The following GRID2 variants were observed in gnomAD, a reference collection of about 807,000 sequenced individuals.
The protein encoded by GRID2 is glutamate ionotropic receptor delta type subunit 2.
Under a neutral mutation model 114.8 loss-of-function variants are expected in GRID2, and 33 were observed. The observed-to-expected ratio is 0.29, with a 90% CI of 0.22 to 0.38. The LOEUF is 0.38. Among genes scored for constraint, GRID2 ranks in the 10% least tolerant of loss-of-function variants. The probability of loss-of-function intolerance (pLI) is 1.00; values close to 1 mark genes in which losing one functional copy is unlikely to be tolerated. For missense variants in GRID2, 1,184 were observed against 1,257.7 expected (o/e 0.94, Z 0.89); for synonymous variants, 505 against 449.9 (o/e 1.12, Z -1.55).
chr4:92,765,042 CA>C (rs1281098230), intron 2 of GRID2, among the ~76,000 whole-genome samples: 1 of 152,074 alleles, frequency 6.6e-6, no homozygotes, highest in Non-Finnish European at 1.5e-5. Context: ...TGGAAAGCTA[CA>C]ATTTAAATAT....
At chr4:92,708,868 G>C (rs1735076245) in intron 2 of GRID2, among the ~76,000 whole-genome samples, 1 of 152,108 alleles carries the variant, frequency 6.6e-6, no homozygotes, top group East Asian at 1.9e-4. Flanking sequence ...AGTGAGCTGA[G>C]ATCACACCAT....
chr4:93,375,136 C>A (rs1285448393), intron 8 of GRID2, among the ~76,000 whole-genome samples: 7 of 151,996 alleles, frequency 4.6e-5, no homozygotes, highest in Non-Finnish European at 8.8e-5. Flanking sequence ...GTTGCCTCTA[C>A]CCAGACTGCA....
intron 8 of GRID2, among the ~76,000 whole-genome samples, chr4:93,350,961 C>A (rs1275233400): frequency 1.3e-5 from 2 of 151,978 alleles, no homozygotes; most frequent in African/African-American, 2.4e-5. Context: ...AAAGGAGAAG[C>A]AAAGGCACAT....
At chr4:93,545,850 G>A (rs933128787) in intron 13 of GRID2, among the ~76,000 whole-genome samples, 1 of 152,110 alleles carries the variant, frequency 6.6e-6, no homozygotes, top group South Asian at 2.1e-4. Flanking sequence ...ACATAAAGAA[G>A]CAATTCACTA....
In GRID2 at chr4:92,613,387, C is replaced by A. The variant is rs951125123; in HGVS notation, c.244+23101C>A. Among the ~76,000 whole-genome samples, 4 of 151,388 alleles carry A rather than the reference C, an allele frequency of 2.6e-5. No homozygotes were observed. The Admixed American group carries it at 2.6e-4, about 10-fold the overall frequency. On this transcript the variant is annotated intron_variant, in intron 2 of 15. Coordinates refer to ENST00000282020, the MANE Select transcript of GRID2 (RefSeq NM_001510.4). ...ATATATTGATCTGTGATATTCTCTT[C>A]TTGTGATGTTTTAGTATTTCTTTGG...
At chr4:92,838,038 C>T (rs1742589623) in intron 2 of GRID2, among the ~76,000 whole-genome samples, 1 of 152,030 alleles carries the variant, frequency 6.6e-6, no homozygotes, top group Non-Finnish European at 1.5e-5. Flanking sequence ...CTAAACTCAT[C>T]TAGAAACAAT....
intron 2 of GRID2, among the ~76,000 whole-genome samples, chr4:92,915,272 C>T (rs982382810): frequency 1.3e-5 from 2 of 152,088 alleles, no homozygotes; most frequent in Admixed American, 6.6e-5. Flanking sequence ...TATTCTAATG[C>T]CTAACAGCAT....
At chr4:92,441,316 G>C (rs1291368653) in intron 1 of GRID2, among the ~76,000 whole-genome samples, 1 of 152,106 alleles carries the variant, frequency 6.6e-6, no homozygotes, top group Non-Finnish European at 1.5e-5. Context: ...GAAGTAATGG[G>C]GGCTGTCTGT....
intron 1 of GRID2, among the ~76,000 whole-genome samples, chr4:92,499,629 T>A (rs1191412686): frequency 6.6e-6 from 1 of 152,212 alleles, no homozygotes; most frequent in African/African-American, 2.4e-5. Flanking sequence ...ATTTATTATT[T>A]TGAGACAGAG....
At chr4:93,691,632 C>T (rs572872714) in intron 14 of GRID2, among the ~76,000 whole-genome samples, 2 of 152,110 alleles carry the variant, frequency 1.3e-5, no homozygotes, top group Admixed American at 1.3e-4. Flanking sequence ...AACACTGTAA[C>T]TTAATTGATG....
chr4:92,655,650 T>C (rs1267063483), intron 2 of GRID2, among the ~76,000 whole-genome samples: 1 of 151,796 alleles, frequency 6.6e-6, no homozygotes, highest in Non-Finnish European at 1.5e-5. Flanking sequence ...TAAATGGGAT[T>C]GACTTCTTGA....
chr4:92,839,760 A>G (rs1390245712), intron 2 of GRID2, among the ~76,000 whole-genome samples: 3 of 152,022 alleles, frequency 2.0e-5, no homozygotes, highest in Admixed American at 2.0e-4. Flanking sequence ...TTTGAGAATG[A>G]TCTGTGTGCT....
intron 8 of GRID2, among the ~76,000 whole-genome samples, chr4:93,380,841 C>T (rs192259963): frequency 5.0e-4 from 76 of 152,072 alleles, no homozygotes; most frequent in African/African-American, 1.7e-3. Context: ...AAGGTTCCTG[C>T]GGATCTGATA....
intron 8 of GRID2, among the ~76,000 whole-genome samples, chr4:93,293,489 C>G (rs1465769903): frequency 6.6e-6 from 1 of 151,980 alleles, no homozygotes; most frequent in Non-Finnish European, 1.5e-5. Context: ...CAAAGTGTTA[C>G]AGTGTTGTTC....
chr4:93,412,288 T>G (rs1767271789), intron 9 of GRID2, among the ~76,000 whole-genome samples: 1 of 141,116 alleles, frequency 7.1e-6, no homozygotes, highest in East Asian at 2.3e-4. Context: ...TCCCAGCTAC[T>G]CAAGAGTTTG....
At position 93,354,671 on chromosome 4, in the gene GRID2, CGTGTGTGTGTGTGT is replaced by C. The variant is rs35452796; in HGVS notation, c.1246-40905_1246-40892del. On this transcript the variant is annotated intron_variant, in intron 8 of 15. Transcript: ENST00000282020. ...ATTTACTCCCCTGGGGTGGCTCATC[CGTGTGTGTGTGTGT>C]GTGTGTGTGTGTGTGTGTGTGTGTG... 8.1e-3 allele frequency among the ~76,000 whole-genome samples: 1,056 copies of C among 130,290 alleles called. 2 individuals are homozygous for C. Among genetic ancestry groups the C allele is most frequent in the Non-Finnish European group, 0.012 (737 of 61,494 alleles). 85.5% of individuals were successfully genotyped at this position (130,290 alleles called of 152,430 possible).
chr4:93,584,406 G>A (rs1234271235), intron 13 of GRID2, among the ~76,000 whole-genome samples: 7 of 151,926 alleles, frequency 4.6e-5, no homozygotes, highest in Non-Finnish European at 8.8e-5. Flanking sequence ...AATTCTTTTT[G>A]ATAAACATTT....
At chr4:92,313,081 A>ATGTGTGTGTGTG (rs144557382) in intron 1 of GRID2, among the ~76,000 whole-genome samples, 9 of 145,114 alleles carry the variant, frequency 6.2e-5, no homozygotes, top group African/African-American at 2.3e-4. Flanking sequence ...AAACTCTGAT[A>ATGTGTGTGTGTG]TGTGTGTGTG....
intron 1 of GRID2, among the ~76,000 whole-genome samples, chr4:92,424,897 TTAAG>T (rs1331122758): frequency 2.0e-5 from 3 of 151,970 alleles, no homozygotes; most frequent in African/African-American, 7.2e-5. Context: ...ATAATCATTA[TTAAG>T]TATTTACTAG....
Sources: allele counts gnomAD v4.1 joint callset (sites outside exome capture counted in the v4.1 genomes callset), GRCh38; gene constraint gnomAD v4.1.1; transcripts MANE v1.5; gene names NCBI Gene and HGNC (gene_info 2026-07-23, HGNC 2026-07-21).